Variants in PAK5 observed in about 807,000 individuals in gnomAD.
The protein encoded by PAK5 is serine/threonine-protein kinase PAK 5.
Under a neutral mutation model 65.9 loss-of-function variants are expected in PAK5, and 16 were observed. The observed-to-expected ratio is 0.24, with a 90% CI of 0.16 to 0.37. PAK5 has a LOEUF of 0.37. Among genes scored for constraint, PAK5 ranks in the 10% least tolerant of loss-of-function variants. The pLI is 1.00. For missense variants in PAK5, 785 were observed against 903.9 expected, an observed-to-expected ratio of 0.87 and a Z score of 1.69; for synonymous variants, 371 against 354.9, an observed-to-expected ratio of 1.05 and a Z score of -0.51.
chr20:9,618,403 CTTTT>C (rs58376139), intron 3 of PAK5, among the ~76,000 whole-genome samples: 5 of 129,780 alleles, frequency 3.9e-5, no homozygotes, highest in South Asian at 2.4e-4. Context: ...CGGCCTGGAA[CTTTT>C]TTTTTTTTTT....
At chr20:9,587,776 T>C (rs2046095575) in intron 3 of PAK5, among the ~76,000 whole-genome samples, 1 of 152,164 alleles carries the variant, frequency 6.6e-6, no homozygotes, top group African/African-American at 2.4e-5. Flanking sequence ...ATGCATTTTC[T>C]AGATCTTCTA....
intron 4 of PAK5, among the ~76,000 whole-genome samples, chr20:9,571,590 G>C (rs2045782715): frequency 6.6e-6 from 1 of 152,164 alleles, no homozygotes; most frequent in African/African-American, 2.4e-5. Context: ...AACATTCATT[G>C]ATTTATAAGA....
chr20:9,621,206 C>G (rs1317307498), intron 3 of PAK5, among the ~76,000 whole-genome samples: 2 of 151,714 alleles, frequency 1.3e-5, no homozygotes, highest in Non-Finnish European at 2.9e-5. Context: ...AGAGATGTCT[C>G]AAAACCTATG....
intron 1 of PAK5, among the ~76,000 whole-genome samples, chr20:9,768,174 A>G (rs1042146200): frequency 6.6e-6 from 1 of 151,856 alleles, no homozygotes; most frequent in Admixed American, 6.6e-5. Flanking sequence ...TTCCTGTTTA[A>G]GTTATACCAG....
intron 1 of PAK5, among the ~76,000 whole-genome samples, chr20:9,789,529 C>T (rs570747337): frequency 2.1e-4 from 32 of 152,234 alleles, no homozygotes; most frequent in African/African-American, 6.7e-4. Flanking sequence ...TGCTTGTATA[C>T]AGTGTTTACT....
intron 7 of PAK5, among the ~76,000 whole-genome samples, chr20:9,555,954 A>C (rs964451031): frequency 1.3e-5 from 2 of 152,224 alleles, no homozygotes; most frequent in African/African-American, 4.8e-5. Context: ...GAGTAAGGCT[A>C]TCACCATAGG....
Position 9,640,523 on chromosome 20 carries a change from C to T in PAK5, c.204+3602G>A, listed in dbSNP as rs145341747. On this transcript the variant is annotated intron_variant, in intron 3 of 9. Transcript: ENST00000353224. ...TGTGAATAGTGCCGCAATAAACATACGTGTGCTTGTGTGTTTATAGCAGCA... is the reference window on the plus strand; with the variant it reads ...TGTGAATAGTGCCGCAATAAACATATGTGTGCTTGTGTGTTTATAGCAGCA... 4.8e-3 allele frequency among the ~76,000 whole-genome samples: 735 copies of T among 152,186 alleles called. 9 individuals carry two copies. The highest frequency in any genetic ancestry group is 0.017 in the African/African-American group (699 of 41,518).
At chr20:9,543,674 C>T (rs930881895) in intron 8 of PAK5, among the ~76,000 whole-genome samples, 5 of 152,138 alleles carry the variant, frequency 3.3e-5, no homozygotes, top group African/African-American at 1.2e-4. Context: ...TATGCCTAGC[C>T]GAAACATACC....
At chr20:9,628,049 A>G (rs927814426) in intron 3 of PAK5, among the ~76,000 whole-genome samples, 2 of 152,106 alleles carry the variant, frequency 1.3e-5, no homozygotes, top group Admixed American at 1.3e-4. Flanking sequence ...TTTTTGTTTT[A>G]TTAATTGAGA....
At chr20:9,651,171 G>A (rs1283165889) in intron 2 of PAK5, among the ~76,000 whole-genome samples, 1 of 152,164 alleles carries the variant, frequency 6.6e-6, no homozygotes, top group African/African-American at 2.4e-5. Flanking sequence ...TTGGGCAACT[G>A]GCTTTGCCTC....
intron 2 of PAK5, among the ~76,000 whole-genome samples, chr20:9,705,297 A>C (rs2047992144): frequency 6.6e-6 from 1 of 152,194 alleles, no homozygotes. Context: ...AACAGAACAC[A>C]CAAAGGGAAA....
At position 9,663,098 on chromosome 20, in the gene PAK5, T is replaced by C. The variant is rs190610996; in HGVS notation, c.-11-18759A>G. On this transcript the variant is annotated intron_variant, in intron 2 of 9. Coordinates refer to ENST00000353224, the MANE Select transcript of PAK5 (RefSeq NM_177990.4). ...TAAAATTATCACATAGTTTAGAAGA[T>C]GGATTCTATTGTAATACATTATAGC... is the stretch of plus-strand genomic sequence containing the variant. 5.8e-4 allele frequency among the ~76,000 whole-genome samples: 89 copies of C among 152,328 alleles called. 1 individual carries two copies. Among genetic ancestry groups the C allele is most frequent in the Middle Eastern group, 3.4e-3 (1 of 294 alleles).
rs918178260 is a variant in PAK5 at position 9,838,934 on chromosome 20, C to T, written c.-334G>A. On this transcript the variant is annotated 5_prime_UTR_variant, in exon 1 of 10. Transcript: ENST00000353224. This position sits in a 1 kb window ranked among gnomAD's most constrained non-coding sequence, Gnocchi z 4.5. Reference sequence around the variant, plus strand: ...GAGGGGGTGAGAGGCAGAGCCACAGCTTTCTACTCTCCACCCAAACCTCCC... The same window carrying T: ...GAGGGGGTGAGAGGCAGAGCCACAGTTTTCTACTCTCCACCCAAACCTCCC... The T allele has an allele frequency of 7.2e-5, 11 of 152,824 alleles. 1 individual carries two copies. The highest frequency in any genetic ancestry group is 2.4e-4 in the African/African-American group (10 of 41,566). The allele number at this position is 152,824 out of a possible 1,614,324, so 9.5% of individuals were successfully genotyped here. A position where few individuals can be genotyped will look rare whatever the true frequency, so the allele number is the denominator to read the frequency against.
At chr20:9,612,273 A>C (rs567761143) in intron 3 of PAK5, among the ~76,000 whole-genome samples, 4 of 152,158 alleles carry the variant, frequency 2.6e-5, no homozygotes, top group Middle Eastern at 3.4e-3. Flanking sequence ...ATTTCCTCTT[A>C]ATGTCGTCTC....
At chr20:9,786,307 C>T (rs1015972300) in intron 1 of PAK5, among the ~76,000 whole-genome samples, 2 of 152,068 alleles carry the variant, frequency 1.3e-5, no homozygotes, top group Non-Finnish European at 1.5e-5. Context: ...ACCCAGTTCA[C>T]AGTATCTTCC....
chr20:9,777,952 T>C (rs1427251238), intron 1 of PAK5, among the ~76,000 whole-genome samples: 1 of 152,268 alleles, frequency 6.6e-6, no homozygotes, highest in East Asian at 1.9e-4. Flanking sequence ...AGCACTTGGG[T>C]GGGTTTACGT....
intron 6 of PAK5, among the ~76,000 whole-genome samples, chr20:9,558,450 A>G (rs1016776359): frequency 6.6e-6 from 1 of 152,124 alleles, no homozygotes; most frequent in Non-Finnish European, 1.5e-5. Context: ...ATAGGCATCA[A>G]CAAGCCTCCA....
chr20:9,606,624 A>T (rs2046459330), intron 3 of PAK5, among the ~76,000 whole-genome samples: 1 of 152,200 alleles, frequency 6.6e-6, no homozygotes, highest in Non-Finnish European at 1.5e-5. Flanking sequence ...TTCCATGAAA[A>T]TTAAGTTCAA....
chr20:9,826,241 A>G (rs1056867787), intron 1 of PAK5, among the ~76,000 whole-genome samples: 3 of 152,178 alleles, frequency 2.0e-5, no homozygotes, highest in African/African-American at 4.8e-5. Flanking sequence ...TGTGTTAAAC[A>G]GAACACATCT....
Sources: gnomAD v4.1 joint callset for allele counts (sites outside exome capture counted in the v4.1 genomes callset) on GRCh38, gnomAD v4.1.1 for gene constraint, Gnocchi (gnomAD v3.1) non-coding constraint, MANE v1.5 for transcripts, NCBI Gene and HGNC (gene_info 2026-07-23, HGNC 2026-07-21) for gene names.